ARIH1: variants seen among roughly 807,000 people sequenced by gnomAD.
ARIH1 encodes ariadne RBR E3 ubiquitin protein ligase 1, also known as E3 ubiquitin-protein ligase ARIH1.
A neutral mutation model predicts 85.0 loss-of-function variants in ARIH1; 8 were observed. That is an observed-to-expected ratio of 0.09 (90% CI 0.06 to 0.17). The LOEUF (loss-of-function observed/expected upper bound fraction) is 0.17. Among genes scored for constraint, ARIH1 ranks in the 10% least tolerant of loss-of-function variants. ARIH1 has a pLI of 1.00. For synonymous variants in ARIH1, 238 were observed against 253.6 expected (o/e 0.94, Z 0.59); for missense variants, 311 against 718.1 (o/e 0.43, Z 6.48).
chr15:72,581,995 C>G, intron 12 of ARIH1, 80 bp from the exon 13 acceptor site: 1 of 919,968 alleles, frequency 1.1e-6, no homozygotes, highest in Non-Finnish European at 1.7e-6. Context: ...TGAGAGCAGT[C>G]TGTAGTCAAC....
Position 72,497,712 on chromosome 15 carries a change from G to A in ARIH1, c.376-20355G>A, listed in dbSNP as rs180985160. Among the ~76,000 whole-genome samples, 14 of 152,246 alleles carry A rather than the reference G, an allele frequency of 9.2e-5. No individual in the cohort carries two copies. The East Asian group carries it at 2.7e-3, about 29-fold the overall frequency. The stretch of plus-strand genomic sequence containing the variant: ...TGCTGTTATGCTTCTAAAAAGAAGA[G>A]GCTATGTTTTCCTAAATAGGTTAGT... On this transcript the variant is annotated intron_variant, in intron 1 of 13. Coordinates refer to ENST00000379887, the MANE Select transcript of ARIH1 (RefSeq NM_005744.5).
chr15:72,555,406 A>G (rs191667856), intron 4 of ARIH1, 43 bp downstream of exon 4: 76 of 1,446,364 alleles, frequency 5.3e-5, no homozygotes, highest in Non-Finnish European at 6.9e-5. Context: ...TGAATTTCCT[A>G]TAGTGTTAAG....
chr15:72,547,265 T>C (rs974299770), intron 3 of ARIH1, among the ~76,000 whole-genome samples: 3 of 151,170 alleles, frequency 2.0e-5, no homozygotes, highest in Non-Finnish European at 4.4e-5. Context: ...CGAGTTTTGC[T>C]CTTGTTGCCC....
chr15:72,572,278 C>A, intron 11 of ARIH1, 113 bp downstream of exon 11: 2 of 746,132 alleles, frequency 2.7e-6, no homozygotes, highest in South Asian at 1.8e-5. Context: ...CGCTTTGTCG[C>A]CCAGGCTGGA....
chr15:72,526,096 T>G (rs1420091906), intron 2 of ARIH1, among the ~76,000 whole-genome samples: 1 of 152,232 alleles, frequency 6.6e-6, no homozygotes, highest in African/African-American at 2.4e-5. Flanking sequence ...TTAAAAATCG[T>G]GCTTCCTAAT....
chr15:72,488,641 C>T (rs1178543155), intron 1 of ARIH1, among the ~76,000 whole-genome samples: 2 of 152,190 alleles, frequency 1.3e-5, no homozygotes, highest in East Asian at 3.9e-4. Context: ...AGTTTCTTCT[C>T]TGACAGAAGA....
chr15:72,538,676 T>G (rs1375479757), intron 2 of ARIH1, among the ~76,000 whole-genome samples: 1 of 152,210 alleles, frequency 6.6e-6, no homozygotes, highest in Non-Finnish European at 1.5e-5. Flanking sequence ...GAAATTTAAT[T>G]CATATTATTT....
At chr15:72,506,096 AC>A (rs1474144160) in intron 1 of ARIH1, among the ~76,000 whole-genome samples, 2 of 151,950 alleles carry the variant, frequency 1.3e-5, no homozygotes, top group Non-Finnish European at 2.9e-5. Context: ...CGCCTATAAT[AC>A]CAGCACTTGG....
chr15:72,519,488 T>G lies in ARIH1; in HGVS notation c.443+1354T>G, dbSNP rs868539657. Among the ~76,000 whole-genome samples the G allele has an allele frequency of 8.5e-3, 1,156 of 135,318 alleles. 7 individuals are homozygous for G. Among genetic ancestry groups the G allele is most frequent in the Middle Eastern group, 0.029 (8 of 274 alleles). The allele number at this position is 135,318 out of a possible 152,430, so 88.8% of individuals were successfully genotyped here. A position where few individuals can be genotyped will look rare whatever the true frequency, so the allele number is the denominator to read the frequency against. On this transcript the variant is annotated intron_variant, in intron 2 of 13. Coordinates refer to ENST00000379887, the MANE Select transcript of ARIH1 (RefSeq NM_005744.5). ...CATGTTTTTTTTGTTTTTTTTTTTTTTTTTTTTTTTTTGAGACGGAGTTTC... is the reference window on the plus strand; with the variant it reads ...CATGTTTTTTTTGTTTTTTTTTTTTGTTTTTTTTTTTTGAGACGGAGTTTC...
intron 1 of ARIH1, among the ~76,000 whole-genome samples, chr15:72,510,791 G>A (rs1351568540): frequency 1.8e-5 from 2 of 110,062 alleles, no homozygotes; most frequent in African/African-American, 6.5e-5. Flanking sequence ...CCGTTGAATT[G>A]TTTTATCACT....
intron 2 of ARIH1, among the ~76,000 whole-genome samples, chr15:72,542,554 T>C (rs1019645196): frequency 4.6e-5 from 7 of 152,220 alleles, no homozygotes; most frequent in Non-Finnish European, 7.3e-5. Context: ...ATTGGTTGGA[T>C]ATATTATAGT....
chr15:72,562,514 T>G (rs888200618), intron 6 of ARIH1, among the ~76,000 whole-genome samples: 2 of 150,770 alleles, frequency 1.3e-5, no homozygotes, highest in South Asian at 2.1e-4. Flanking sequence ...GTGCAGAGTG[T>G]TTTTTTTTCA....
chr15:72,519,624 C>T (rs558818319), intron 2 of ARIH1, among the ~76,000 whole-genome samples: 1 of 151,788 alleles, frequency 6.6e-6, no homozygotes, highest in Non-Finnish European at 1.5e-5. Flanking sequence ...ACTGGGATTA[C>T]AGGCGCCCTC....
chr15:72,512,442 T>A (rs1473266240), intron 1 of ARIH1, among the ~76,000 whole-genome samples: 1 of 151,990 alleles, frequency 6.6e-6, no homozygotes, highest in African/African-American at 2.4e-5. Flanking sequence ...TAGTATTTGC[T>A]TATCATCCTA....
chr15:72,518,647 G>A (rs1213644875), intron 2 of ARIH1, among the ~76,000 whole-genome samples: 1 of 152,138 alleles, frequency 6.6e-6, no homozygotes, highest in Admixed American at 6.5e-5. Flanking sequence ...AATTAGCTGG[G>A]TGTGGTGGCG....
chr15:72,546,494 T>G (rs1286922086), intron 3 of ARIH1, among the ~76,000 whole-genome samples: 3 of 152,096 alleles, frequency 2.0e-5, no homozygotes, highest in Non-Finnish European at 4.4e-5. Flanking sequence ...GTTTTTCTTT[T>G]TTCTTTCTTT....
chr15:72,488,605 C>T (rs1394302042), intron 1 of ARIH1, among the ~76,000 whole-genome samples: 1 of 152,196 alleles, frequency 6.6e-6, no homozygotes, highest in Non-Finnish European at 1.5e-5. Context: ...AGAACTAAAA[C>T]TCCTTCATCT....
At chr15:72,481,782 C>A (rs2063817408) in intron 1 of ARIH1, among the ~76,000 whole-genome samples, 1 of 152,164 alleles carries the variant, frequency 6.6e-6, no homozygotes, top group Admixed American at 6.5e-5. Context: ...AGATGCTATC[C>A]TTCATGCTAT....
rs1360994679 is a variant in ARIH1, at chr15:72,588,492, T to C, written c.*5200T>C. 4 of 152,216 alleles carry C rather than the reference T, an allele frequency of 2.6e-5. No homozygotes were observed. Among genetic ancestry groups the C allele is most frequent in the Admixed American group, 6.5e-5 (1 of 15,272 alleles). The allele number at this position is 152,216 out of a possible 1,614,324, so 9.4% of individuals were successfully genotyped here. A position where few individuals can be genotyped will look rare whatever the true frequency, so the allele number is the denominator to read the frequency against. Reference sequence around the variant, plus strand: ...GCCCTTTACGCATTCTCACCCCTAATTCCAGCCGGTGATTCTCACATGCAG... The same window carrying C: ...GCCCTTTACGCATTCTCACCCCTAACTCCAGCCGGTGATTCTCACATGCAG... On this transcript the variant is annotated 3_prime_UTR_variant, in exon 14 of 14. Coordinates refer to ENST00000379887, the MANE Select transcript of ARIH1 (RefSeq NM_005744.5).
Sources: allele counts gnomAD v4.1 joint callset (sites outside exome capture counted in the v4.1 genomes callset), GRCh38; gene constraint gnomAD v4.1.1; transcripts MANE v1.5; gene names NCBI Gene and HGNC (gene_info 2026-07-23, HGNC 2026-07-21).